Variants in PZP observed in about 807,000 individuals in gnomAD.
PZP encodes the protein pregnancy zone protein.
PZP carries 150 observed loss-of-function variants against 179.8 expected under a neutral mutation model. The ratio of observed to expected loss-of-function variants is 0.83; its 90% confidence interval spans 0.73 to 0.96. The LOEUF (loss-of-function observed/expected upper bound fraction) is 0.96, where lower values mean the gene tolerates loss of function less well. PZP is among the 40% of genes least tolerant of loss of function. PZP has a pLI of 0.00. For synonymous variants in PZP, 624 were observed against 652.3 expected, an observed-to-expected ratio of 0.96 and a Z score of 0.66; for missense variants, 1,689 against 1,764.0, an observed-to-expected ratio of 0.96 and a Z score of 0.76.
At chr12:9,185,446 T>C (rs1197589513) in intron 13 of PZP, among the ~76,000 whole-genome samples, 3 of 152,186 alleles carry the variant, frequency 2.0e-5, no homozygotes, top group African/African-American at 7.2e-5. Flanking sequence ...GTAAAAAGAC[T>C]GAATCTACAA....
At position 9,153,335 on chromosome 12, in the gene PZP, C is replaced by T. The variant is rs1940508020; in HGVS notation, c.3783G>A (p.Val1261=). Reference sequence around the variant, plus strand: ...ACCTGGACAGGGCATGGAGAGCCACCACTGTGTCCTGGAAGAGACGAGTGG... The same window carrying T: ...ACCTGGACAGGGCATGGAGAGCCACTACTGTGTCCTGGAAGAGACGAGTGG... The part of the protein sequence containing the change: ...QGGFSSTQDT[V]VALHALSRYG... Residue 1261 remains valine (V), a synonymous_variant, in exon 30 of 36, where the codon GTG becomes GTA. Coordinates refer to ENST00000261336, the MANE Select transcript of PZP (RefSeq NM_002864.3). 3 of 1,613,718 alleles carry T rather than the reference C, an allele frequency of 1.9e-6. 1 individual carries two copies. In the East Asian group the frequency reaches 6.7e-5, roughly 36 times the overall value.
At chr12:9,149,468 G>T in intron 35 of PZP, 93 bp downstream of exon 35, 2 of 1,280,528 alleles carry the variant, frequency 1.6e-6, no homozygotes, top group Non-Finnish European at 2.2e-6. Flanking sequence ...TGTCTCAGAT[G>T]TAGGAAAAGC....
chr12:9,181,602 G>A (rs2120968295), intron 14 of PZP, among the ~76,000 whole-genome samples: 1 of 152,248 alleles, frequency 6.6e-6, no homozygotes, highest in East Asian at 1.9e-4. Flanking sequence ...GGCAGAATAA[G>A]GATAGATACC....
chr12:9,154,613 G>A lies in PZP; in HGVS notation c.3774+3C>T, dbSNP rs764847935. The A allele has an allele frequency of 4.3e-6, 7 of 1,613,546 alleles. No individual in the cohort carries two copies. Among genetic ancestry groups the A allele is most frequent in the Non-Finnish European group, 5.1e-6 (6 of 1,179,696 alleles). ...AGCAGAAGACTCTTTGGGAACCACTGACCTGGGTGGAGGAGAAACCACCTT... is the reference window on the plus strand; with the variant it reads ...AGCAGAAGACTCTTTGGGAACCACTAACCTGGGTGGAGGAGAAACCACCTT... On this transcript the variant is annotated splice_donor_region_variant and intron_variant, in intron 29 of 35. Transcript: ENST00000261336.
At chr12:9,165,915 T>C (rs1941549611) in intron 18 of PZP, 137 bp downstream of exon 18, 1 of 1,066,296 alleles carries the variant, frequency 9.4e-7, no homozygotes, top group African/African-American at 1.6e-5. Flanking sequence ...TTGCGCATTT[T>C]ACTTAGGTCT....
chr12:9,178,411 T>C lies in PZP; in HGVS notation c.1839+2572A>G, dbSNP rs1412005883. Among the ~76,000 whole-genome samples, 4 of 152,252 alleles carry C rather than the reference T, an allele frequency of 2.6e-5. No homozygotes were observed. The East Asian group carries it at 7.7e-4, about 29-fold the overall frequency. ...GTGCTTGTGTTCAAGTCACCCTTAT[T>C]TTACTTCATCATGGCCCCAATGCAC... On this transcript the variant is annotated intron_variant, in intron 15 of 35. Coordinates refer to ENST00000261336, the MANE Select transcript of PZP (RefSeq NM_002864.3).
At chr12:9,149,702 C>A in intron 34 of PZP, 100 bp from the exon 35 acceptor site, 1 of 1,112,188 alleles carries the variant, frequency 9.0e-7, no homozygotes, top group South Asian at 1.7e-5. Context: ...AAAGCACGCC[C>A]TATCAGAATT....
the PZP span, among the ~76,000 whole-genome samples, chr12:9,136,904 A>G: frequency 3.7e-4 from 57 of 152,242 alleles, 2 homozygotes; most frequent in African/African-American, 1.3e-3. Context: ...GAGTTGTAGG[A>G]GTTGCTTATA....
Position 9,157,274 on chromosome 12 carries a change from A to G in PZP, c.3451T>C (p.Tyr1151His). 6.2e-7 allele frequency: 1 copy of G among 1,614,132 alleles called. No individual in the cohort carries two copies. The highest frequency in any genetic ancestry group is 8.5e-7 in the Non-Finnish European group (1 of 1,179,962). ...GCATAGGCCAGCAATGCCTTGGTGT[A>G]GACATGGCTCCCATGGGTCCCCTCC... ...AKEGTHGSHVYTKALLAYAFS... is the reference protein window; with the variant it reads ...AKEGTHGSHVHTKALLAYAFS... Residue 1151 changes from tyrosine (Y) to histidine (H), a missense_variant, in exon 28 of 36, where the codon TAC becomes CAC. Tyr to His is a moderately conservative substitution (Grantham distance 83). Transcript: ENST00000261336.
chr12:9,153,980 AG>A (rs965483591), intron 29 of PZP, among the ~76,000 whole-genome samples: 1 of 152,248 alleles, frequency 6.6e-6, no homozygotes, highest in African/African-American at 2.4e-5. Flanking sequence ...AGAGAAAGTA[AG>A]AAGAGCACTC....
intron 1 of PZP, among the ~76,000 whole-genome samples, chr12:9,207,056 T>G (rs1944471127): frequency 6.6e-6 from 1 of 152,168 alleles, no homozygotes; most frequent in African/African-American, 2.4e-5. Context: ...CAGGAAATTG[T>G]GCAAGGAAAA....
At chr12:9,197,595 TA>T (rs34970014) in intron 7 of PZP, among the ~76,000 whole-genome samples, 9,574 of 76,094 alleles carry the variant, frequency 0.13, 1,274 homozygotes, top group Admixed American at 0.16. Context: ...ATATAATATA[TA>T]AATATAATAT....
chr12:9,171,033 C>T (rs1050196638), intron 15 of PZP, among the ~76,000 whole-genome samples: 8 of 152,212 alleles, frequency 5.3e-5, no homozygotes, highest in Non-Finnish European at 1.0e-4. Context: ...TCCCTGATCC[C>T]ATTCCTCCTG....
Position 9,203,684 on chromosome 12 carries a change from C to T in PZP, c.267+84G>A, listed in dbSNP as rs763806437. 2.9e-5 allele frequency: 44 copies of T among 1,492,646 alleles called. No individual in the cohort carries two copies. The South Asian group carries it at 4.8e-4, about 16-fold the overall frequency. The allele number at this position is 1,492,646 out of a possible 1,614,324, so 92.5% of individuals were successfully genotyped here. ...TTCTTAAAGTCATACCTTGGGATCG[C>T]ACACCAGAGCTCCATCACCATGACC... On this transcript the variant is annotated intron_variant, in intron 2 of 35. Transcript: ENST00000261336.
At chr12:9,147,620 G>C (rs752070217), downstream of PZP, among the ~76,000 whole-genome samples, 4 of 152,152 alleles carry the variant, frequency 2.6e-5, no homozygotes, top group South Asian at 4.1e-4. Context: ...GTGTGGGACA[G>C]GGGGGAAGCC....
At chr12:9,198,277 A>T (rs1943952139) in intron 7 of PZP, among the ~76,000 whole-genome samples, 1 of 152,002 alleles carries the variant, frequency 6.6e-6, no homozygotes, top group African/African-American at 2.4e-5. Flanking sequence ...ACATAAGCCC[A>T]GGAGTTTGAG....
At chr12:9,196,547 C>A in intron 9 of PZP, 24 bp downstream of exon 9, 1 of 1,579,286 alleles carries the variant, frequency 6.3e-7, no homozygotes, top group Non-Finnish European at 8.7e-7. Flanking sequence ...TGTTTTATTT[C>A]CCATATTCGT....
chr12:9,203,727 T>C lies in PZP; in HGVS notation c.267+41A>G, dbSNP rs764107279. 4.4e-6 allele frequency: 7 copies of C among 1,606,476 alleles called. No homozygotes were observed. The South Asian group carries it at 5.5e-5, about 13-fold the overall frequency. Reference sequence around the variant, plus strand: ...CCATGACCTATAGAGCTCAATAAAATGTATCAAGCAGGGATAGCCAGCTGG... The same window carrying C: ...CCATGACCTATAGAGCTCAATAAAACGTATCAAGCAGGGATAGCCAGCTGG... On this transcript the variant is annotated intron_variant, in intron 2 of 35. Coordinates refer to ENST00000261336, the MANE Select transcript of PZP (RefSeq NM_002864.3).
At chr12:9,185,938 G>A (rs186736085) in intron 13 of PZP, among the ~76,000 whole-genome samples, 606 of 151,794 alleles carry the variant, frequency 4.0e-3, no homozygotes, top group Non-Finnish European at 6.5e-3. Context: ...CTCCCGAGTA[G>A]CTGGGACTAC....
Sources: allele counts gnomAD v4.1 joint callset (sites outside exome capture counted in the v4.1 genomes callset), GRCh38; gene constraint gnomAD v4.1.1; transcripts MANE v1.5; gene names NCBI Gene and HGNC (gene_info 2026-07-23, HGNC 2026-07-21).